The following SOX5 variants were observed in gnomAD, a reference collection of about 807,000 sequenced individuals.
The protein encoded by SOX5 is SRY-box transcription factor 5, also known as transcription factor SOX-5.
A neutral mutation model predicts 92.0 loss-of-function variants in SOX5; 9 were observed. The observed-to-expected ratio is 0.10, with a 90% CI of 0.06 to 0.17. The LOEUF (loss-of-function observed/expected upper bound fraction) is 0.17. Among genes scored for constraint, SOX5 ranks in the 10% least tolerant of loss-of-function variants. SOX5 has a pLI of 1.00. For synonymous variants in SOX5, 344 were observed against 336.3 expected (o/e 1.02, Z -0.25); for missense variants, 642 against 944.5 (o/e 0.68, Z 4.20).
chr12:24,481,840 G>C (rs906690021), intron 1 of SOX5, among the ~76,000 whole-genome samples: 1 of 152,186 alleles, frequency 6.6e-6, no homozygotes, highest in African/African-American at 2.4e-5. Flanking sequence ...AAGGGTCTCA[G>C]TGAAGTCTGG....
At chr12:24,119,089 T>C (rs1244828439) in intron 4 of SOX5, among the ~76,000 whole-genome samples, 1 of 152,134 alleles carries the variant, frequency 6.6e-6, no homozygotes, top group Non-Finnish European at 1.5e-5. Flanking sequence ...TCTGACTTTA[T>C]GATTCAAATT....
intron 3 of SOX5, among the ~76,000 whole-genome samples, chr12:23,826,027 CT>C (rs78309862): frequency 0.18 from 27,307 of 151,386 alleles, 2,947 homozygotes; most frequent in East Asian, 0.52. Context: ...TTTCATTTCT[CT>C]TTTTTTTTAT....
intron 2 of SOX5, among the ~76,000 whole-genome samples, chr12:24,303,075 T>A (rs16927447): frequency 0.12 from 18,961 of 152,066 alleles, 1,271 homozygotes; most frequent in Non-Finnish European, 0.15. Flanking sequence ...GGCTTACAAA[T>A]GAGACCATTT....
intron 2 of SOX5, among the ~76,000 whole-genome samples, chr12:24,337,340 C>CT (rs201383125): frequency 0.26 from 37,706 of 143,136 alleles, 5,240 homozygotes; most frequent in African/African-American, 0.36. Flanking sequence ...TCTGATTTTT[C>CT]TTTTTTTTTT....
At chr12:23,612,012 T>C (rs1190732160) in intron 8 of SOX5, among the ~76,000 whole-genome samples, 4 of 152,084 alleles carry the variant, frequency 2.6e-5, no homozygotes, top group Non-Finnish European at 5.9e-5. Context: ...TAAAGATAAT[T>C]TGTGAACTTT....
At chr12:24,287,568 C>A (rs12812695) in intron 2 of SOX5, among the ~76,000 whole-genome samples, 32,006 of 129,464 alleles carry the variant, frequency 0.25, 3,728 homozygotes, top group Middle Eastern at 0.28. Flanking sequence ...TAAAGGGCAT[C>A]TTAAAAACAG....
In SOX5 at chr12:24,414,808, T is replaced by C. The variant is rs117916368; in HGVS notation, c.-250-46169A>G. ...GAGAGGAAGCTTGCAGAATTTGTAT[T>C]GCCATGTCCAATGCTGTGCTCTCCC... On this transcript the variant is annotated intron_variant, in intron 1 of 4. Transcript: ENST00000446891. 2.1e-3 allele frequency among the ~76,000 whole-genome samples: 315 copies of C among 152,354 alleles called. 4 individuals carry two copies. The East Asian group carries it at 0.051, about 25-fold the overall frequency.
At chr12:23,780,565 C>A (rs2095256513) in intron 3 of SOX5, among the ~76,000 whole-genome samples, 2 of 151,684 alleles carry the variant, frequency 1.3e-5, no homozygotes, top group Non-Finnish European at 2.9e-5. Flanking sequence ...TAGTCAAAAT[C>A]TCTTGAATGA....
Position 24,280,734 on chromosome 12 carries a change from T to C in SOX5, c.-173-3422A>G, listed in dbSNP as rs748323512. On this transcript the variant is annotated intron_variant, in intron 2 of 4. Coordinates refer to the SOX5 transcript ENST00000446891. ...TGGTGTTTCACATATTGAGAAAGTATGCTTATGAGAGGGTTTTATGTTTAC... is the reference window on the plus strand; with the variant it reads ...TGGTGTTTCACATATTGAGAAAGTACGCTTATGAGAGGGTTTTATGTTTAC... Among the ~76,000 whole-genome samples the C allele has an allele frequency of 7.2e-5, 11 of 152,088 alleles. 1 individual carries two copies. Among genetic ancestry groups the C allele is most frequent in the Admixed American group, 3.3e-4 (5 of 15,250 alleles).
chr12:23,769,420 G>A lies in SOX5; in HGVS notation c.482-13696C>T, dbSNP rs1202468786. On this transcript the variant is annotated intron_variant, in intron 3 of 14. Coordinates refer to ENST00000451604, the MANE Select transcript of SOX5 (RefSeq NM_006940.6). ...TTCACACTATTTGAATTACCTGTAGGTAGTTCTCTATGGGGCTACTACCAA... is the reference window on the plus strand; with the variant it reads ...TTCACACTATTTGAATTACCTGTAGATAGTTCTCTATGGGGCTACTACCAA... Among the ~76,000 whole-genome samples, 3 of 151,740 alleles carry A rather than the reference G, an allele frequency of 2.0e-5. No individual in the cohort carries two copies. The East Asian group carries it at 5.8e-4, about 29-fold the overall frequency.
At chr12:23,838,847 G>T (rs12826902) in intron 3 of SOX5, among the ~76,000 whole-genome samples, 4 of 58,678 alleles carry the variant, frequency 6.8e-5, no homozygotes, top group East Asian at 3.4e-4. Context: ...TTTTTTTGGG[G>T]GGGGGGGGCG....
chr12:23,663,226 C>T (rs2083306621), intron 7 of SOX5, among the ~76,000 whole-genome samples: 2 of 152,150 alleles, frequency 1.3e-5, no homozygotes, highest in Non-Finnish European at 2.9e-5. Flanking sequence ...TTCAAGCTTG[C>T]CAGCAGCTGT....
intron 8 of SOX5, among the ~76,000 whole-genome samples, chr12:23,614,841 G>T (rs891988840): frequency 6.6e-6 from 1 of 152,120 alleles, no homozygotes; most frequent in South Asian, 2.1e-4. Flanking sequence ...TCACTCTGAT[G>T]CCCAGGCTGG....
intron 3 of SOX5, among the ~76,000 whole-genome samples, chr12:23,807,114 C>T (rs1419536260): frequency 6.6e-6 from 1 of 152,018 alleles, no homozygotes; most frequent in Non-Finnish European, 1.5e-5. Context: ...CTTTTACACA[C>T]CAATATTTAA....
chr12:23,963,613 C>G (rs1417501493), intron 4 of SOX5, among the ~76,000 whole-genome samples: 1 of 151,992 alleles, frequency 6.6e-6, no homozygotes, highest in Non-Finnish European at 1.5e-5. Context: ...ATTACAACAA[C>G]CGACTAAATC....
At chr12:24,429,858 T>G (rs1596543310) in intron 1 of SOX5, among the ~76,000 whole-genome samples, 1 of 152,198 alleles carries the variant, frequency 6.6e-6, no homozygotes, top group South Asian at 2.1e-4. Flanking sequence ...ACAGGTTACA[T>G]ATATATGTTC....
intron 4 of SOX5, among the ~76,000 whole-genome samples, chr12:23,751,619 C>T (rs1424943098): frequency 4.0e-5 from 6 of 151,806 alleles, no homozygotes; most frequent in Admixed American, 6.6e-5. Flanking sequence ...TACTTTCATC[C>T]ACACACTGAA....
intron 3 of SOX5, among the ~76,000 whole-genome samples, chr12:23,803,088 T>C (rs149587985): frequency 1.8e-4 from 28 of 152,344 alleles, no homozygotes; most frequent in Non-Finnish European, 3.5e-4. Flanking sequence ...CTCTACAAGA[T>C]TCCATCATGC....
intron 4 of SOX5, among the ~76,000 whole-genome samples, chr12:24,183,225 C>T (rs1366400967): frequency 1.3e-5 from 2 of 152,148 alleles, no homozygotes; most frequent in African/African-American, 4.8e-5. Flanking sequence ...TCCAATAAAA[C>T]CATATACTAC....
Sources: allele counts gnomAD v4.1 joint callset (sites outside exome capture counted in the v4.1 genomes callset), GRCh38; gene constraint gnomAD v4.1.1; transcripts MANE v1.5; gene names NCBI Gene and HGNC (gene_info 2026-07-23, HGNC 2026-07-21).